CACNB4: variants seen among roughly 807,000 people sequenced by gnomAD.
CACNB4 encodes voltage-dependent L-type calcium channel subunit beta-4.
A neutral mutation model predicts 71.2 loss-of-function variants in CACNB4; 32 were observed. The ratio of observed to expected loss-of-function variants is 0.45; its 90% CI spans 0.34 to 0.60. The LOEUF is 0.60. Among genes scored for constraint, CACNB4 ranks in the 20% least tolerant of loss-of-function variants. The pLI, the probability that CACNB4 is intolerant of heterozygous loss-of-function variation, is 0.01. For synonymous variants in CACNB4, 231 were observed against 236.9 expected, an observed-to-expected ratio of 0.97 and a Z score of 0.23; for missense variants, 464 against 647.9, an observed-to-expected ratio of 0.72 and a Z score of 3.08.
At chr2:151,918,976 T>C (rs1215559244) in intron 2 of CACNB4, among the ~76,000 whole-genome samples, 2 of 152,214 alleles carry the variant, frequency 1.3e-5, no homozygotes, top group African/African-American at 4.8e-5. Context: ...GAGGGCTGAA[T>C]GAATCCCTGT....
chr2:152,081,177 A>T (rs76088542), intron 2 of CACNB4, among the ~76,000 whole-genome samples: 7,755 of 152,358 alleles, frequency 0.051, 353 homozygotes, highest in Non-Finnish European at 0.068. Flanking sequence ...TATAATGTTT[A>T]CATAATGAAT....
chr2:151,882,843 AAGAGT>A (rs371208752), intron 3 of CACNB4: 171 of 247,872 alleles, frequency 6.9e-4, no homozygotes, highest in African/African-American at 3.6e-3. Context: ...AGCGAGAGAG[AAGAGT>A]AGAGAAACAA....
At chr2:151,988,538 T>TAA (rs1186696064) in intron 2 of CACNB4, among the ~76,000 whole-genome samples, 1 of 152,040 alleles carries the variant, frequency 6.6e-6, no homozygotes, top group African/African-American at 2.4e-5. Flanking sequence ...GGAGCTGCTA[T>TAA]AAAAAAAATC....
At chr2:151,892,201 A>C (rs557440435) in intron 2 of CACNB4, among the ~76,000 whole-genome samples, 1 of 152,292 alleles carries the variant, frequency 6.6e-6, no homozygotes, top group South Asian at 2.1e-4. Context: ...ATTGACTGAG[A>C]GACGCTTTCT....
chr2:151,949,346 G>C (rs949939263), intron 2 of CACNB4, among the ~76,000 whole-genome samples: 1 of 152,054 alleles, frequency 6.6e-6, no homozygotes, highest in Non-Finnish European at 1.5e-5. Flanking sequence ...TGCCCTTACG[G>C]AGCCTAGTAA....
chr2:151,916,370 T>C (rs1413110292), intron 2 of CACNB4, among the ~76,000 whole-genome samples: 2 of 152,038 alleles, frequency 1.3e-5, no homozygotes, highest in East Asian at 3.9e-4. Context: ...ACATGAGATA[T>C]CAAAAAAGAT....
chr2:151,885,862 T>C (rs1360835854), intron 2 of CACNB4, among the ~76,000 whole-genome samples: 2 of 152,202 alleles, frequency 1.3e-5, no homozygotes, highest in South Asian at 2.1e-4. Context: ...AAGAGAGCTA[T>C]CTTGAAGTCC....
intron 10 of CACNB4, among the ~76,000 whole-genome samples, chr2:151,856,444 T>C (rs991955781): frequency 4.0e-5 from 6 of 151,878 alleles, no homozygotes; most frequent in Non-Finnish European, 8.8e-5. Context: ...AATGGGATTA[T>C]AGGCACACGC....
At chr2:152,094,862 C>T (rs1199062367) in intron 2 of CACNB4, among the ~76,000 whole-genome samples, 1 of 152,180 alleles carries the variant, frequency 6.6e-6, no homozygotes, top group Non-Finnish European at 1.5e-5. Flanking sequence ...AAAGAAAATT[C>T]TATGGCCTCA....
chr2:151,912,736 C>A (rs368493930), intron 2 of CACNB4, among the ~76,000 whole-genome samples: 1 of 151,614 alleles, frequency 6.6e-6, no homozygotes, highest in Admixed American at 6.6e-5. Context: ...TTTTCTGTCT[C>A]GTTGATCTGT....
At chr2:152,070,919 C>T (rs907309481) in intron 2 of CACNB4, among the ~76,000 whole-genome samples, 1 of 152,172 alleles carries the variant, frequency 6.6e-6, no homozygotes, top group African/African-American at 2.4e-5. Flanking sequence ...AGGCACACAC[C>T]ATCACACCCG....
intron 2 of CACNB4, among the ~76,000 whole-genome samples, chr2:152,092,502 A>T (rs928215453): frequency 2.6e-5 from 4 of 152,246 alleles, no homozygotes; most frequent in African/African-American, 9.6e-5. Flanking sequence ...ACCTTAAAAA[A>T]TACGAGGTTC....
At chr2:152,009,639 C>A (rs1466319004) in intron 2 of CACNB4, among the ~76,000 whole-genome samples, 1 of 152,112 alleles carries the variant, frequency 6.6e-6, no homozygotes, top group East Asian at 1.9e-4. Flanking sequence ...TCAAGATGAC[C>A]CTCAGCAGCA....
At chr2:152,032,712 T>C (rs573589738) in intron 2 of CACNB4, among the ~76,000 whole-genome samples, 1 of 152,302 alleles carries the variant, frequency 6.6e-6, no homozygotes, top group Admixed American at 6.5e-5. Context: ...ATGCCTATAA[T>C]CTCAGCACTT....
chr2:151,905,312 T>G (rs1358300276), intron 2 of CACNB4, among the ~76,000 whole-genome samples: 1 of 152,228 alleles, frequency 6.6e-6, no homozygotes, highest in East Asian at 1.9e-4. Context: ...ATTATCAATT[T>G]ACAGTTTCTC....
intron 2 of CACNB4, among the ~76,000 whole-genome samples, chr2:151,927,851 T>G (rs1230667707): frequency 6.6e-6 from 1 of 152,234 alleles, no homozygotes; most frequent in East Asian, 1.9e-4. Flanking sequence ...ACAGTAGCGG[T>G]GAGCTTGACC....
At chr2:152,004,770 G>C (rs900814183) in intron 2 of CACNB4, among the ~76,000 whole-genome samples, 1 of 152,188 alleles carries the variant, frequency 6.6e-6, no homozygotes, top group African/African-American at 2.4e-5. Context: ...AGGAGTCAGA[G>C]GCACTGTGGC....
intron 2 of CACNB4, among the ~76,000 whole-genome samples, chr2:151,964,189 C>G (rs947224206): frequency 6.6e-6 from 1 of 151,454 alleles, no homozygotes; most frequent in Admixed American, 6.6e-5. Context: ...CCACGCTGCA[C>G]AGCAATTATG....
intron 2 of CACNB4, among the ~76,000 whole-genome samples, chr2:151,956,011 T>C (rs150519366): frequency 6.6e-6 from 1 of 151,554 alleles, no homozygotes; most frequent in African/African-American, 2.4e-5. Flanking sequence ...AAGGAGGGAG[T>C]AATGTCCACA....
Sources: allele counts gnomAD v4.1 joint callset (sites outside exome capture counted in the v4.1 genomes callset), GRCh38; gene constraint gnomAD v4.1.1; transcripts MANE v1.5; gene names NCBI Gene and HGNC (gene_info 2026-07-23, HGNC 2026-07-21).